The following AFG2A variants were observed in gnomAD, a reference collection of about 807,000 sequenced individuals.
AFG2A encodes AAA ATPase AFG2A.
chr4:123,243,754 C>T, the AFG2A span, among the ~76,000 whole-genome samples: 2 of 151,952 alleles, frequency 1.3e-5, no homozygotes, highest in Non-Finnish European at 2.9e-5. Flanking sequence ...AATTCAGTTA[C>T]AACCAGGTGT....
chr4:123,113,581 A>G, the AFG2A span, among the ~76,000 whole-genome samples: 5 of 152,218 alleles, frequency 3.3e-5, no homozygotes, highest in African/African-American at 1.2e-4. Context: ...TGATTAATCA[A>G]ACAAGATTGT....
the AFG2A span, among the ~76,000 whole-genome samples, chr4:123,237,672 CAAAAAAAAAAA>C: frequency 1.4e-3 from 91 of 66,634 alleles, no homozygotes; most frequent in Non-Finnish European, 2.1e-3. Flanking sequence ...AACCTTGTCT[CAAAAAAAAAAA>C]AAAAAAAAAA....
At chr4:123,206,677 T>C in the AFG2A span, among the ~76,000 whole-genome samples, 1 of 152,174 alleles carries the variant, frequency 6.6e-6, no homozygotes, top group Non-Finnish European at 1.5e-5. Flanking sequence ...TCTTTTCTAG[T>C]AAATGTCCTG....
At chr4:123,278,393 C>T in the AFG2A span, among the ~76,000 whole-genome samples, 2 of 151,948 alleles carry the variant, frequency 1.3e-5, no homozygotes, top group Admixed American at 1.3e-4. Flanking sequence ...TTAATTTTTT[C>T]AAAGAAGCTA....
the AFG2A span, among the ~76,000 whole-genome samples, chr4:123,219,514 A>G: frequency 1.3e-5 from 2 of 152,220 alleles, no homozygotes; most frequent in Admixed American, 6.5e-5. Flanking sequence ...CACAACCGCC[A>G]TTCCCCATAT....
chr4:123,148,309 C>T, the AFG2A span, among the ~76,000 whole-genome samples: 32 of 152,226 alleles, frequency 2.1e-4, no homozygotes, highest in African/African-American at 7.7e-4. Context: ...CAGAACTCCA[C>T]ATTTTGTTGA....
the AFG2A span, among the ~76,000 whole-genome samples, chr4:123,074,095 A>ATTTTTTTTTTTTTTTTTTT: frequency 9.8e-6 from 1 of 102,068 alleles, no homozygotes; most frequent in Non-Finnish European, 1.9e-5. Flanking sequence ...CTCAGATAGT[A>ATTTTTTTTTTTTTTTTTTT]TTTTTTTTTT....
At chr4:123,258,427 T>C in the AFG2A span, among the ~76,000 whole-genome samples, 1 of 152,344 alleles carries the variant, frequency 6.6e-6, no homozygotes, top group East Asian at 1.9e-4. Context: ...CACAGAACCT[T>C]CTACATGGTG....
chr4:122,939,490 C>G, the AFG2A span, among the ~76,000 whole-genome samples: 3 of 152,042 alleles, frequency 2.0e-5, no homozygotes, highest in Non-Finnish European at 4.4e-5. Context: ...CTCCTGACAT[C>G]CATTAATTAG....
chr4:123,237,335 C>T, the AFG2A span, among the ~76,000 whole-genome samples: 4 of 152,050 alleles, frequency 2.6e-5, no homozygotes, highest in Non-Finnish European at 1.5e-5. Context: ...GTGTTCTAAA[C>T]CTGAGATGTT....
At chr4:123,265,505 G>T in the AFG2A span, among the ~76,000 whole-genome samples, 3 of 152,130 alleles carry the variant, frequency 2.0e-5, no homozygotes, top group South Asian at 6.2e-4. Flanking sequence ...TTACCTGAAG[G>T]CTATTTTAGA....
the AFG2A span, among the ~76,000 whole-genome samples, chr4:123,212,619 A>G: frequency 6.6e-5 from 10 of 152,162 alleles, no homozygotes; most frequent in Non-Finnish European, 5.9e-5. Flanking sequence ...GTCATATTCA[A>G]AAAGAGCCAC....
At chr4:122,983,594 C>T in the AFG2A span, among the ~76,000 whole-genome samples, 12 of 151,666 alleles carry the variant, frequency 7.9e-5, no homozygotes, top group African/African-American at 2.9e-4. Flanking sequence ...GTTTAATTTC[C>T]AGATATTTGT....
chr4:123,186,989 A>G, the AFG2A span, among the ~76,000 whole-genome samples: 1 of 152,130 alleles, frequency 6.6e-6, no homozygotes, highest in Admixed American at 6.5e-5. Context: ...GCTCCTAGAC[A>G]TTGCTTTATG....
the AFG2A span, among the ~76,000 whole-genome samples, chr4:122,956,112 A>G: frequency 6.6e-6 from 1 of 152,334 alleles, no homozygotes; most frequent in African/African-American, 2.4e-5. Flanking sequence ...GCTGTCCAGA[A>G]ATACACTGTC....
chr4:122,943,301 T>G, the AFG2A span, among the ~76,000 whole-genome samples: 1 of 152,210 alleles, frequency 6.6e-6, no homozygotes, highest in African/African-American at 2.4e-5. Flanking sequence ...AGGACTTGCT[T>G]TATGAATCTG....
At chr4:122,935,518 C>G in the AFG2A span, among the ~76,000 whole-genome samples, 1 of 151,310 alleles carries the variant, frequency 6.6e-6, no homozygotes, top group Admixed American at 6.6e-5. Flanking sequence ...CTGTGGTCTA[C>G]AGAGAGAGAA....
At chr4:123,190,144 G>C in the AFG2A span, among the ~76,000 whole-genome samples, 3 of 152,172 alleles carry the variant, frequency 2.0e-5, no homozygotes, top group South Asian at 4.2e-4. Context: ...AATGGTCCTG[G>C]GAACTTTACA....
At chr4:123,112,166 C>A in the AFG2A span, among the ~76,000 whole-genome samples, 1 of 152,062 alleles carries the variant, frequency 6.6e-6, no homozygotes, top group Non-Finnish European at 1.5e-5. Flanking sequence ...TTTAGAGTCT[C>A]CCTTTGAGTG....
Sources: allele counts gnomAD v4.1 joint callset (sites outside exome capture counted in the v4.1 genomes callset), GRCh38; gene constraint gnomAD v4.1.1; transcripts MANE v1.5; gene names NCBI Gene and HGNC (gene_info 2026-07-23, HGNC 2026-07-21).